The following CLIC5 variants were observed in gnomAD, a reference collection of about 807,000 sequenced individuals.
CLIC5 encodes the protein CLIC family member 5.
A neutral mutation model predicts 24.7 loss-of-function variants in CLIC5; 20 were observed. The ratio of observed to expected loss-of-function variants is 0.81; its 90% CI spans 0.57 to 1.18. The LOEUF (loss-of-function observed/expected upper bound fraction) is 1.18. Among genes scored for constraint, CLIC5 ranks in the 50% most tolerant of loss-of-function variants. CLIC5 has a pLI of 0.00. For missense variants in CLIC5, 341 were observed against 326.1 expected, an observed-to-expected ratio of 1.05 and a Z score of -0.35; for synonymous variants, 159 against 135.6, an observed-to-expected ratio of 1.17 and a Z score of -1.20.
At chr6:45,949,454 T>G in intron 2 of CLIC5, 73 bp from the exon 3 acceptor site, 4 of 1,524,018 alleles carry the variant, frequency 2.6e-6, no homozygotes, top group Non-Finnish European at 3.6e-6. Flanking sequence ...TAAGATTGAT[T>G]GTAACTTAGA....
intron 4 of CLIC5, among the ~76,000 whole-genome samples, chr6:45,933,428 T>G (rs1033205033): frequency 6.6e-6 from 1 of 152,248 alleles, no homozygotes; most frequent in African/African-American, 2.4e-5. Flanking sequence ...AGGCAATTTG[T>G]TAGGCATCTG....
chr6:45,894,565 G>A (rs1762378295), downstream of CLIC5, among the ~76,000 whole-genome samples: 1 of 152,218 alleles, frequency 6.6e-6, no homozygotes, highest in African/African-American at 2.4e-5. Flanking sequence ...TGTATAGAGT[G>A]TTGGCTAATG....
chr6:46,032,822 A>G (rs1052245296), intron 1 of CLIC5, among the ~76,000 whole-genome samples: 1 of 152,038 alleles, frequency 6.6e-6, no homozygotes, highest in African/African-American at 2.4e-5. Flanking sequence ...CAGAGAATAC[A>G]TTACATAACA....
chr6:46,032,436 C>G (rs933556321), intron 1 of CLIC5, among the ~76,000 whole-genome samples: 1 of 152,212 alleles, frequency 6.6e-6, no homozygotes, highest in South Asian at 2.1e-4. Context: ...GGAGGGAGAA[C>G]TTTTCAGCTT....
chr6:46,108,860 C>A, the CLIC5 span, among the ~76,000 whole-genome samples: 1 of 152,052 alleles, frequency 6.6e-6, no homozygotes, highest in Non-Finnish European at 1.5e-5. Context: ...ATTTCAAATT[C>A]CAAATTTGAT....
intron 1 of CLIC5, among the ~76,000 whole-genome samples, chr6:45,968,288 A>C (rs879573190): frequency 4.6e-5 from 7 of 152,164 alleles, no homozygotes; most frequent in Non-Finnish European, 8.8e-5. Context: ...TTAAGTATGA[A>C]TTGTTGGTAA....
At chr6:45,939,939 A>G (rs919139357) in intron 4 of CLIC5, among the ~76,000 whole-genome samples, 1 of 152,124 alleles carries the variant, frequency 6.6e-6, no homozygotes, top group African/African-American at 2.4e-5. Context: ...AGCACCAAGT[A>G]GATTGAAAGT....
At chr6:45,977,916 G>T (rs1385596003) in intron 1 of CLIC5, among the ~76,000 whole-genome samples, 2 of 152,184 alleles carry the variant, frequency 1.3e-5, no homozygotes, top group Non-Finnish European at 2.9e-5. Flanking sequence ...GATGCCCAGT[G>T]GGTTTCCACT....
At chr6:45,970,393 G>A (rs1277207810) in intron 1 of CLIC5, among the ~76,000 whole-genome samples, 3 of 152,180 alleles carry the variant, frequency 2.0e-5, no homozygotes, top group African/African-American at 7.2e-5. Flanking sequence ...CTTGCTGCTG[G>A]CTGAGTTATA....
At chr6:46,005,920 T>C (rs1009964403) in intron 1 of CLIC5, among the ~76,000 whole-genome samples, 1 of 149,598 alleles carries the variant, frequency 6.7e-6, no homozygotes, top group Non-Finnish European at 1.5e-5. Flanking sequence ...GTTTATAAGC[T>C]ACCTAGTTCA....
chr6:45,893,240 TTTG>T (rs1211251807), intron 6 of CLIC5, among the ~76,000 whole-genome samples: 142 of 150,160 alleles, frequency 9.5e-4, no homozygotes, highest in Non-Finnish European at 1.7e-3. Flanking sequence ...GTTTTTTTTT[TTTG>T]TTTTAAGAAT....
At chr6:45,941,251 C>T (rs1764119550) in intron 4 of CLIC5, among the ~76,000 whole-genome samples, 1 of 152,184 alleles carries the variant, frequency 6.6e-6, no homozygotes, top group South Asian at 2.1e-4. Flanking sequence ...CCGTGCAGTG[C>T]ACTATGCTGT....
At chr6:45,979,491 A>G (rs1469755420) in intron 1 of CLIC5, among the ~76,000 whole-genome samples, 1 of 152,222 alleles carries the variant, frequency 6.6e-6, no homozygotes, top group Non-Finnish European at 1.5e-5. Context: ...AGGTCCACTA[A>G]GGCTATGTGG....
At chr6:45,908,545 G>A (rs1762724446) in intron 5 of CLIC5, among the ~76,000 whole-genome samples, 1 of 152,074 alleles carries the variant, frequency 6.6e-6, no homozygotes, top group Non-Finnish European at 1.5e-5. Context: ...AAGTAATTCA[G>A]GAGTGAGTTG....
At chr6:46,028,334 C>A (rs1000222625) in intron 1 of CLIC5, among the ~76,000 whole-genome samples, 6 of 152,202 alleles carry the variant, frequency 3.9e-5, no homozygotes, top group African/African-American at 1.4e-4. Flanking sequence ...TACAGCATCA[C>A]TCATCCCTTC....
At chr6:45,914,176 G>T in intron 5 of CLIC5, 52 bp downstream of exon 5, 3 of 1,417,988 alleles carry the variant, frequency 2.1e-6, no homozygotes, top group Non-Finnish European at 2.8e-6. Context: ...AGGTGACCTG[G>T]GCCTAAGATG....
At chr6:45,947,623 G>T (rs1440946824) in intron 3 of CLIC5, among the ~76,000 whole-genome samples, 2 of 152,168 alleles carry the variant, frequency 1.3e-5, no homozygotes, top group African/African-American at 2.4e-5. Flanking sequence ...ACTGCGTCAT[G>T]AACTTTCCTC....
the CLIC5 span, among the ~76,000 whole-genome samples, chr6:46,118,122 G>A: frequency 1.3e-5 from 2 of 152,210 alleles, no homozygotes; most frequent in African/African-American, 2.4e-5. Context: ...CTGCAGGGAT[G>A]TCTCTCTTCT....
Position 45,941,772 on chromosome 6 carries a change from G to T in CLIC5, c.300-119C>A, listed in dbSNP as rs1465223442. 1.7e-5 allele frequency: 14 copies of T among 816,982 alleles called. No individual in the cohort carries two copies. In the Admixed American group the frequency reaches 2.8e-4, roughly 17 times the overall value. The allele number at this position is 816,982 out of a possible 1,614,324, so 50.6% of individuals were successfully genotyped here. On this transcript the variant is annotated intron_variant, in intron 3 of 5. Transcript: ENST00000339561. ...TCCAGCTGCATCTACAAAATGTTTT[G>T]GGGGTCTTTATCCTCATACTATAGG...
Sources: allele counts gnomAD v4.1 joint callset (sites outside exome capture counted in the v4.1 genomes callset), GRCh38; gene constraint gnomAD v4.1.1; transcripts MANE v1.5; gene names NCBI Gene and HGNC (gene_info 2026-07-23, HGNC 2026-07-21).